Variants in FAM81A observed in about 807,000 individuals in gnomAD.
FAM81A encodes protein FAM81A.
A neutral mutation model predicts 46.7 loss-of-function variants in FAM81A; 19 were observed. The observed-to-expected ratio is 0.41, with a 90% CI of 0.28 to 0.60. The LOEUF (loss-of-function observed/expected upper bound fraction) is 0.60. Among genes scored for constraint, FAM81A ranks in the 20% least tolerant of loss-of-function variants. The pLI is 0.34. For synonymous variants in FAM81A, 183 were observed against 152.9 expected (o/e 1.20, Z -1.45); for missense variants, 377 against 453.5 (o/e 0.83, Z 1.53).
chr15:59,466,034 G>T (rs946677794), intron 3 of FAM81A, among the ~76,000 whole-genome samples: 1 of 152,190 alleles, frequency 6.6e-6, no homozygotes, highest in Non-Finnish European at 1.5e-5. Context: ...CAAAGGACAT[G>T]AACTCATCCT....
rs1445973248 is a variant in FAM81A at position 59,521,384 on chromosome 15, G to C, written c.*6G>C. ...AGCCAGAGACCCCCATGTGAAGGGA[G>C]CTGGGACAAGGTCCTAAAAGACAGT... On this transcript the variant is annotated 3_prime_UTR_variant, in exon 9 of 9. Coordinates refer to ENST00000288228, the MANE Select transcript of FAM81A (RefSeq NM_152450.3). 2 of 1,602,094 alleles carry C rather than the reference G, an allele frequency of 1.2e-6. No homozygotes were observed. The highest frequency in any genetic ancestry group is 1.7e-6 in the Non-Finnish European group (2 of 1,173,932).
chr15:59,430,153 C>A (rs2081213263), intron 2 of FAM81A, among the ~76,000 whole-genome samples: 2 of 151,766 alleles, frequency 1.3e-5, no homozygotes, highest in South Asian at 4.1e-4. Context: ...GAGATTTTCA[C>A]TGGGAGAAAG....
In FAM81A at chr15:59,521,324, G is replaced by A. The variant is rs746443844; in HGVS notation, c.1053G>A (p.Arg351=). The A allele has an allele frequency of 3.1e-6, 5 of 1,613,624 alleles. No individual in the cohort carries two copies. Among genetic ancestry groups the A allele is most frequent in the Admixed American group, 3.3e-5 (2 of 59,970 alleles). The change falls in exon 9 of 9, where the codon AGG becomes AGA. Residue 351 remains arginine (R), a synonymous_variant. Transcript: ENST00000288228. ...QVLEAKMKLD[R]DQLQKQIQLM... ...TCGAGGCCAAGATGAAGCTGGACAGGGACCAGCTACAGAAGCAAATCCAGC... is the reference window on the plus strand; with the variant it reads ...TCGAGGCCAAGATGAAGCTGGACAGAGACCAGCTACAGAAGCAAATCCAGC...
chr15:59,516,708 G>A lies in FAM81A; in HGVS notation c.850G>A (p.Glu284Lys). The change falls in exon 8 of 9, where the codon GAA (glutamate) becomes AAA (lysine). Residue 284 changes from glutamate to lysine, a missense_variant. Physicochemically the swap from Glu to Lys is moderately conservative, Grantham distance 56. Transcript: ENST00000288228. Reference protein sequence around the residue: ...SQMSARLDKIEEGQKKTFDGQ... With the variant: ...SQMSARLDKIKEGQKKTFDGQ... The stretch of plus-strand genomic sequence containing the variant: ...GATGTCAGCCAGGCTTGACAAAATA[G>A]AAGAGGGTCAAAAGAAGACTTTTGA... The A allele has an allele frequency of 6.2e-7, 1 of 1,613,752 alleles. No individual in the cohort carries two copies. Among genetic ancestry groups the A allele is most frequent in the Non-Finnish European group, 8.5e-7 (1 of 1,179,800 alleles).
intron 8 of FAM81A, among the ~76,000 whole-genome samples, chr15:59,520,213 A>G (rs545061702): frequency 2.6e-5 from 4 of 152,084 alleles, no homozygotes; most frequent in South Asian, 2.1e-4. Context: ...CCCCTGCCCT[A>G]TACTGTTTTC....
At chr15:59,517,787 A>T (rs1263632514) in intron 8 of FAM81A, among the ~76,000 whole-genome samples, 1 of 152,216 alleles carries the variant, frequency 6.6e-6, no homozygotes, top group African/African-American at 2.4e-5. Context: ...TCTTTGGACT[A>T]TTAAAATATG....
intron 6 of FAM81A, among the ~76,000 whole-genome samples, chr15:59,509,450 G>T (rs2082182215): frequency 6.6e-6 from 1 of 152,166 alleles, no homozygotes; most frequent in South Asian, 2.1e-4. Flanking sequence ...ATGGCAAAAG[G>T]GGACTTTGCA....
chr15:59,508,140 T>C (rs2082168546), intron 5 of FAM81A, among the ~76,000 whole-genome samples: 1 of 152,174 alleles, frequency 6.6e-6, no homozygotes, highest in Non-Finnish European at 1.5e-5. Context: ...TTTTGAAGAA[T>C]GAGTGAGAAT....
intron 3 of FAM81A, among the ~76,000 whole-genome samples, chr15:59,471,991 C>T (rs1264454939): frequency 6.6e-6 from 1 of 152,148 alleles, no homozygotes; most frequent in African/African-American, 2.4e-5. Context: ...TGCTTTGGTG[C>T]CTTATGGTAT....
At position 59,438,276 on chromosome 15, in the gene FAM81A, C is replaced by T. The variant is rs556658830; in HGVS notation, c.-84C>T. Reference sequence around the variant, plus strand: ...GGGCAGCCGCGGCGCGCCCACCCCCCGCGCCGGTGAGTGCCGCGCTCTGGG... The same window carrying T: ...GGGCAGCCGCGGCGCGCCCACCCCCTGCGCCGGTGAGTGCCGCGCTCTGGG... On this transcript the variant is annotated 5_prime_UTR_variant, in exon 1 of 9. Transcript: ENST00000288228. 2 of 151,112 alleles carry T rather than the reference C, an allele frequency of 1.3e-5. No individual in the cohort carries two copies. Among genetic ancestry groups the T allele is most frequent in the Admixed American group, 6.6e-5 (1 of 15,172 alleles). 9.4% of individuals were successfully genotyped at this position (151,112 alleles called of 1,614,324 possible).
chr15:59,401,863 T>C, intron 1 of FAM81A: 1 of 759,456 alleles, frequency 1.3e-6, no homozygotes, highest in Non-Finnish European at 2.4e-6. Context: ...TGGTAAGGCT[T>C]AGCCTTGAGA....
intron 4 of FAM81A, among the ~76,000 whole-genome samples, chr15:59,503,233 CAAAAAAAAAAAA>C (rs769759845): frequency 5.7e-5 from 2 of 35,344 alleles, no homozygotes; most frequent in African/African-American, 2.3e-4. Context: ...GAGACTGTCT[CAAAAAAAAAAAA>C]AAAAAAAAAA....
At chr15:59,465,734 T>C (rs1236022782) in intron 3 of FAM81A, among the ~76,000 whole-genome samples, 2 of 152,188 alleles carry the variant, frequency 1.3e-5, no homozygotes, top group Non-Finnish European at 2.9e-5. Flanking sequence ...TTAGGGTACA[T>C]GCGCACAACG....
chr15:59,473,757 G>A lies in FAM81A; in HGVS notation c.294+13551G>A, dbSNP rs2141686805. Among the ~76,000 whole-genome samples, 3 of 152,294 alleles carry A rather than the reference G, an allele frequency of 2.0e-5. 1 individual carries two copies. The South Asian group carries it at 6.2e-4, about 32-fold the overall frequency. The stretch of plus-strand genomic sequence containing the variant: ...TTTTCTGTCAACGTAAGAGGTGATA[G>A]TGTTTTAGCTGCAACTGTCGGATCC... On this transcript the variant is annotated intron_variant, in intron 3 of 8. Transcript: ENST00000288228.
rs532749178 is a variant in FAM81A, at chr15:59,424,280, G to T, written c.-78+21922G>T. On this transcript the variant is annotated intron_variant, in intron 2 of 4. Coordinates refer to the FAM81A transcript ENST00000558348. ...TCCTGGTTTTCTTTCAACTATGAAG[G>T]CTCTTTCTTCTCAGTCTCCTTCCTT... Among the ~76,000 whole-genome samples, 26 of 152,264 alleles carry T rather than the reference G, an allele frequency of 1.7e-4. No individual in the cohort carries two copies. The East Asian group carries it at 1.7e-3, about 10-fold the overall frequency.
At chr15:59,503,717 C>T (rs1454799658) in intron 4 of FAM81A, among the ~76,000 whole-genome samples, 11 of 152,036 alleles carry the variant, frequency 7.2e-5, no homozygotes, top group East Asian at 3.9e-4. Context: ...GGATTACATG[C>T]GTGCACCACC....
intron 3 of FAM81A, among the ~76,000 whole-genome samples, chr15:59,482,189 C>G (rs2081861571): frequency 6.6e-6 from 1 of 152,082 alleles, no homozygotes; most frequent in Non-Finnish European, 1.5e-5. Flanking sequence ...GAATTGCTTT[C>G]CATTTTCATT....
intron 1 of FAM81A, among the ~76,000 whole-genome samples, chr15:59,448,704 G>A (rs1184094306): frequency 6.6e-6 from 1 of 151,896 alleles, no homozygotes; most frequent in African/African-American, 2.4e-5. Flanking sequence ...AGCTAGCTCT[G>A]TTGCCCAAGC....
At chr15:59,417,504 G>T (rs1312019238) in intron 2 of FAM81A, among the ~76,000 whole-genome samples, 2 of 151,236 alleles carry the variant, frequency 1.3e-5, no homozygotes, top group African/African-American at 4.9e-5. Context: ...TCAGGAGTTC[G>T]AGACCAGCCT....
Sources: allele counts gnomAD v4.1 joint callset (sites outside exome capture counted in the v4.1 genomes callset), GRCh38; gene constraint gnomAD v4.1.1; transcripts MANE v1.5; gene names NCBI Gene and HGNC (gene_info 2026-07-23, HGNC 2026-07-21).